The following ELAVL4 variants were observed in gnomAD, a reference collection of about 807,000 sequenced individuals.
ELAVL4 encodes ELAV like RNA binding protein 4, also known as ELAV-like protein 4.
ELAVL4 carries 1 observed loss-of-function variant against 35.6 expected under a neutral mutation model. That is an observed-to-expected ratio of 0.03 (90% CI 0.01 to 0.13). The LOEUF (loss-of-function observed/expected upper bound fraction) is 0.13. Ranked by LOEUF, ELAVL4 falls within the 10% of genes least tolerant of loss-of-function variation. ELAVL4 has a pLI of 1.00. For synonymous variants in ELAVL4, 156 were observed against 171.0 expected, an observed-to-expected ratio of 0.91 and a Z score of 0.69; for missense variants, 267 against 464.9, an observed-to-expected ratio of 0.57 and a Z score of 3.91.
intron 1 of ELAVL4, among the ~76,000 whole-genome samples, chr1:50,114,184 C>G (rs1451831869): frequency 6.6e-6 from 1 of 151,950 alleles, no homozygotes; most frequent in Admixed American, 6.6e-5. Flanking sequence ...AATCAAGGGC[C>G]TGGGTATGAA....
chr1:50,113,984 G>A (rs919849969), intron 1 of ELAVL4, among the ~76,000 whole-genome samples: 3 of 151,458 alleles, frequency 2.0e-5, no homozygotes, highest in Admixed American at 1.3e-4. Flanking sequence ...CTTCCCATAA[G>A]AACTGGTTTC....
Position 50,075,803 on chromosome 1 carries a change from TGATATA to T in ELAVL4, c.18+27632_18+27637del, listed in dbSNP as rs542234322. On this transcript the variant is annotated intron_variant, in intron 1 of 6. Coordinates refer to the ELAVL4 transcript ENST00000448907. Reference sequence around the variant, plus strand: ...TCAGCTGAAATTGCTTTTTGACTTATGATATAGATATAGATAGAGAGAGAGAGACAG... The same window carrying T: ...TCAGCTGAAATTGCTTTTTGACTTATGATATAGATAGAGAGAGAGAGACAG... Among the ~76,000 whole-genome samples the T allele has an allele frequency of 7.5e-3, 1,144 of 152,158 alleles. 12 individuals carry two copies. The highest frequency in any genetic ancestry group is 0.027 in the Middle Eastern group (8 of 294).
Position 50,113,566 on chromosome 1 carries a change from G to A in ELAVL4, c.9+4368G>A, listed in dbSNP as rs544757726. ...TACATTTGTTGGTGAGCTGGCCAGA[G>A]GATGCTAAACACACGAGTATGCGCT... is the stretch of plus-strand genomic sequence containing the variant. On this transcript the variant is annotated intron_variant, in intron 1 of 6. Coordinates refer to ENST00000371824, the MANE Select transcript of ELAVL4 (RefSeq NM_001144774.3). 4.5e-4 allele frequency among the ~76,000 whole-genome samples: 68 copies of A among 152,078 alleles called. 1 individual carries two copies. The highest frequency in any genetic ancestry group is 1.5e-3 in the African/African-American group (64 of 41,502).
upstream of ELAVL4, among the ~76,000 whole-genome samples, chr1:50,108,324 T>C (rs1666530002): frequency 6.6e-6 from 1 of 152,226 alleles, no homozygotes; most frequent in South Asian, 2.1e-4. Context: ...CCCAACTTGC[T>C]TGCTTTTGAA....
At chr1:50,056,377 G>A (rs1271057379) in intron 1 of ELAVL4, among the ~76,000 whole-genome samples, 1 of 152,160 alleles carries the variant, frequency 6.6e-6, no homozygotes, top group Non-Finnish European at 1.5e-5. Flanking sequence ...CAACAACGAA[G>A]TTCATTTATG....
intron 3 of ELAVL4, among the ~76,000 whole-genome samples, chr1:50,192,563 A>ACACT (rs766597516): frequency 3.7e-4 from 54 of 144,538 alleles, no homozygotes; most frequent in Non-Finnish European, 5.6e-4. Flanking sequence ...ACACACACAC[A>ACACT]CTCTCACCCC....
At chr1:50,172,214 A>G (rs556043548) in intron 2 of ELAVL4, among the ~76,000 whole-genome samples, 4 of 152,332 alleles carry the variant, frequency 2.6e-5, no homozygotes, top group Admixed American at 6.5e-5. Context: ...CAGGATCCTA[A>G]AGGCAAGGAA....
rs551939992 is a variant in ELAVL4 at position 50,071,945 on chromosome 1, G to A, written c.18+23763G>A. Among the ~76,000 whole-genome samples the A allele has an allele frequency of 4.6e-5, 7 of 152,194 alleles. No homozygotes were observed. The South Asian group carries it at 6.2e-4, about 14-fold the overall frequency. Reference sequence around the variant, plus strand: ...GACATAAATGCATATAAAGTGCTTGGCATCCAGTAAGTAGTCAACAAATAG... The same window carrying A: ...GACATAAATGCATATAAAGTGCTTGACATCCAGTAAGTAGTCAACAAATAG... On this transcript the variant is annotated intron_variant, in intron 1 of 6. Transcript: ENST00000448907.
At chr1:50,085,027 G>A (rs1222092583) in intron 1 of ELAVL4, among the ~76,000 whole-genome samples, 6 of 152,020 alleles carry the variant, frequency 3.9e-5, no homozygotes, top group Non-Finnish European at 7.4e-5. Context: ...GTTCAAACTA[G>A]ATCAAAGTGT....
chr1:50,119,956 C>T lies in ELAVL4; in HGVS notation c.9+10758C>T, dbSNP rs200856190. Among the ~76,000 whole-genome samples the T allele has an allele frequency of 4.6e-5, 7 of 151,660 alleles. No individual in the cohort carries two copies. The East Asian group carries it at 1.2e-3, about 25-fold the overall frequency. ...TTAGTAATATCAGAAGTCTTCGCTC[C>T]AGAGTGTTTGGGAATATGTCCAGCT... On this transcript the variant is annotated intron_variant, in intron 1 of 6. Coordinates refer to ENST00000371824, the MANE Select transcript of ELAVL4 (RefSeq NM_001144774.3).
chr1:50,182,446 G>C (rs1328960390), intron 3 of ELAVL4, among the ~76,000 whole-genome samples: 2 of 152,198 alleles, frequency 1.3e-5, no homozygotes, highest in Non-Finnish European at 2.9e-5. Context: ...GCCTCCAGAA[G>C]CTCCTGTCTC....
chr1:50,134,556 T>G (rs1234053734), intron 1 of ELAVL4, among the ~76,000 whole-genome samples: 1 of 152,144 alleles, frequency 6.6e-6, no homozygotes, highest in Non-Finnish European at 1.5e-5. Context: ...CGATTTTCTT[T>G]TTATTAGAGC....
chr1:50,102,069 C>T (rs953801336), upstream of ELAVL4, among the ~76,000 whole-genome samples: 3 of 152,096 alleles, frequency 2.0e-5, no homozygotes, highest in East Asian at 1.9e-4. Flanking sequence ...GGGCAGATCA[C>T]GAGGTCAGGA....
chr1:50,141,749 T>C (rs1416568589), intron 1 of ELAVL4: 1 of 152,246 alleles, frequency 6.6e-6, no homozygotes, highest in Non-Finnish European at 1.5e-5. Context: ...AGCTTTTTGC[T>C]TTCTCCTTGC....
chr1:50,129,362 G>A (rs1670477714), intron 1 of ELAVL4, among the ~76,000 whole-genome samples: 1 of 152,068 alleles, frequency 6.6e-6, no homozygotes, highest in South Asian at 2.1e-4. Flanking sequence ...GTGGGGAGCC[G>A]GAAAAGCCCT....
intron 3 of ELAVL4, among the ~76,000 whole-genome samples, chr1:50,191,328 C>T (rs1456781067): frequency 6.6e-6 from 1 of 152,068 alleles, no homozygotes. Flanking sequence ...CAGCCCCAGG[C>T]ATTGGAAAAT....
At chr1:50,181,484 G>C (rs1366261640) in intron 3 of ELAVL4, among the ~76,000 whole-genome samples, 1 of 152,178 alleles carries the variant, frequency 6.6e-6, no homozygotes, top group Admixed American at 6.5e-5. Context: ...ATGTGAGTCA[G>C]AGAGCTATGG....
rs529653039 is a variant in ELAVL4, at chr1:50,150,838, A to G, written c.250+5641A>G. On this transcript the variant is annotated intron_variant, in intron 2 of 6. Coordinates refer to ENST00000371824, the MANE Select transcript of ELAVL4 (RefSeq NM_001144774.3). Reference sequence around the variant, plus strand: ...GAGTTTATTGGCATAATTTCTTACAACACCCAGCAGACATATAAGAATAAC... The same window carrying G: ...GAGTTTATTGGCATAATTTCTTACAGCACCCAGCAGACATATAAGAATAAC... Among the ~76,000 whole-genome samples, 6 of 152,344 alleles carry G rather than the reference A, an allele frequency of 3.9e-5. No homozygotes were observed. In the South Asian group the frequency reaches 6.2e-4, roughly 16 times the overall value.
At position 50,094,616 on chromosome 1, in the gene ELAVL4, G is replaced by T. The variant is rs374748850; in HGVS notation, c.18+46434G>T. ...TGTACTTCATGTTTCTATAAGTAAA[G>T]AATAATTAGCTGGGTGTGATGGCTC... On this transcript the variant is annotated intron_variant, in intron 1 of 6. Coordinates refer to the ELAVL4 transcript ENST00000448907. 3.0e-4 allele frequency among the ~76,000 whole-genome samples: 46 copies of T among 152,142 alleles called. 1 individual carries two copies. In the South Asian group the frequency reaches 8.7e-3, roughly 29 times the overall value.
Sources: gnomAD v4.1 joint callset for allele counts (sites outside exome capture counted in the v4.1 genomes callset) on GRCh38, gnomAD v4.1.1 for gene constraint, MANE v1.5 for transcripts, NCBI Gene and HGNC (gene_info 2026-07-23, HGNC 2026-07-21) for gene names.